The following GLRA2 variants were observed in gnomAD, a reference collection of about 807,000 sequenced individuals.
GLRA2 encodes the protein glycine receptor alpha 2.
GLRA2 carries 11 observed loss-of-function variants against 31.6 expected under a neutral mutation model. That is an observed-to-expected ratio of 0.35 (90% confidence interval 0.22 to 0.58). GLRA2 has a LOEUF of 0.58. Ranked by LOEUF, GLRA2 falls within the 20% of genes least tolerant of loss-of-function variation. GLRA2 has a pLI of 0.84. For missense variants in GLRA2, 212 were observed against 351.8 expected, an observed-to-expected ratio of 0.60 and a Z score of 3.18; for synonymous variants, 132 against 134.0, an observed-to-expected ratio of 0.99 and a Z score of 0.10.
chrX:14,568,147 T>C (rs2089830899), intron 2 of GLRA2, among the ~76,000 whole-genome samples: 1 of 111,801 alleles, frequency 8.9e-6, no homozygotes, highest in African/African-American at 3.3e-5. Context: ...CATATTAAAT[T>C]GCAAGGGGCC....
chrX:14,617,263 A>T (rs1254542238), intron 7 of GLRA2, among the ~76,000 whole-genome samples: 1 of 111,795 alleles, frequency 8.9e-6, no homozygotes, highest in Non-Finnish European at 1.9e-5. Flanking sequence ...CAGTGAGGAA[A>T]AAAATGAACT....
chrX:14,597,625 T>A (rs1040814557), intron 4 of GLRA2, among the ~76,000 whole-genome samples: 7 of 111,304 alleles, frequency 6.3e-5, no homozygotes, highest in African/African-American at 2.0e-4. Context: ...GAAAGGGGTA[T>A]CCCTGAGCAG....
At chrX:14,707,606 GAA>G (rs2091644082) in intron 8 of GLRA2, among the ~76,000 whole-genome samples, 4 of 91,635 alleles carry the variant, frequency 4.4e-5, no homozygotes, top group Non-Finnish European at 6.2e-5. Flanking sequence ...CAACAACAAA[GAA>G]AATATCATGG....
intron 7 of GLRA2, among the ~76,000 whole-genome samples, chrX:14,622,760 T>C (rs2090536801): frequency 8.9e-6 from 1 of 111,975 alleles, no homozygotes; most frequent in Non-Finnish European, 1.9e-5. Flanking sequence ...ACTGTAGCCT[T>C]GTAGTATAGT....
intron 7 of GLRA2, among the ~76,000 whole-genome samples, chrX:14,644,485 C>A (rs756659817): frequency 3.6e-5 from 4 of 111,501 alleles, no homozygotes; most frequent in African/African-American, 1.3e-4. Context: ...TAGATATATT[C>A]TTTACAGAAA....
At chrX:14,529,066 C>A (rs1483155387), upstream of GLRA2, among the ~76,000 whole-genome samples, 2 of 111,389 alleles carry the variant, frequency 1.8e-5, no homozygotes, top group Admixed American at 9.5e-5. Flanking sequence ...CTTCTCTGTG[C>A]CAAGGAAATG....
chrX:14,579,282 A>C (rs186084726), intron 3 of GLRA2, among the ~76,000 whole-genome samples: 24 of 110,483 alleles, frequency 2.2e-4, no homozygotes, highest in Non-Finnish European at 3.6e-4. Flanking sequence ...AGGTAGCTAC[A>C]TTTCTTATTT....
At chrX:14,676,155 T>C (rs755906340) in intron 7 of GLRA2, among the ~76,000 whole-genome samples, 1 of 112,592 alleles carries the variant, frequency 8.9e-6, no homozygotes, top group African/African-American at 3.2e-5. Flanking sequence ...TAAAATGAAA[T>C]TGTACTGTAC....
chrX:14,495,345 G>A, the GLRA2 span, among the ~76,000 whole-genome samples: 644 of 110,625 alleles, frequency 5.8e-3, 7 homozygotes, highest in African/African-American at 0.02. Flanking sequence ...TAATGCAGGC[G>A]AATGGACATT....
At chrX:14,696,234 G>A (rs1319853089) in intron 8 of GLRA2, among the ~76,000 whole-genome samples, 1 of 102,511 alleles carries the variant, frequency 9.8e-6, no homozygotes, top group Non-Finnish European at 2.0e-5. Flanking sequence ...GAGGGAGGGA[G>A]GGAGGGACGG....
At chrX:14,455,808 A>G in the GLRA2 span, among the ~76,000 whole-genome samples, 2 of 111,861 alleles carry the variant, frequency 1.8e-5, no homozygotes, top group Non-Finnish European at 3.8e-5. Flanking sequence ...AATTATGTAA[A>G]TTGTTTTTTG....
At chrX:14,468,105 G>C in the GLRA2 span, among the ~76,000 whole-genome samples, 32 of 111,731 alleles carry the variant, frequency 2.9e-4, no homozygotes, top group African/African-American at 9.4e-4. Context: ...AAGGACTACT[G>C]GATGAATGTA....
chrX:14,458,879 C>T, the GLRA2 span, among the ~76,000 whole-genome samples: 4 of 111,370 alleles, frequency 3.6e-5, no homozygotes, highest in African/African-American at 9.8e-5. Context: ...TAGTTTAATT[C>T]GATCCCATTT....
chrX:14,712,748 A>T (rs2091730754), intron 8 of GLRA2, among the ~76,000 whole-genome samples: 1 of 111,161 alleles, frequency 9.0e-6, no homozygotes, highest in African/African-American at 3.3e-5. Context: ...TCTGAGTAGA[A>T]AACCAAGTGT....
chrX:14,702,397 C>T (rs911883915), intron 8 of GLRA2, among the ~76,000 whole-genome samples: 13 of 111,996 alleles, frequency 1.2e-4, no homozygotes, highest in Non-Finnish European at 2.3e-4. Context: ...TATAAGTAGT[C>T]TACACTTCCC....
intron 7 of GLRA2, among the ~76,000 whole-genome samples, chrX:14,632,222 T>C (rs1241981446): frequency 9.1e-6 from 1 of 110,211 alleles, no homozygotes; most frequent in African/African-American, 3.3e-5. Flanking sequence ...TTTCCAAATA[T>C]ATTTTAACCA....
chrX:14,627,769 A>T (rs1300496913), intron 7 of GLRA2, among the ~76,000 whole-genome samples: 1 of 111,868 alleles, frequency 8.9e-6, no homozygotes, highest in Non-Finnish European at 1.9e-5. Flanking sequence ...ACAAGATATT[A>T]AACAGAAATT....
At chrX:14,561,035 G>A (rs112398382) in intron 2 of GLRA2, among the ~76,000 whole-genome samples, 8 of 111,167 alleles carry the variant, frequency 7.2e-5, no homozygotes, top group Admixed American at 1.9e-4. Context: ...TAACTGAGTC[G>A]TATATATTAA....
chrX:14,612,504 A>G (rs1297495112), intron 7 of GLRA2, among the ~76,000 whole-genome samples: 1 of 111,519 alleles, frequency 9.0e-6, no homozygotes, highest in Non-Finnish European at 1.9e-5. Flanking sequence ...AAATCATTCT[A>G]TGATAAAGAC....
Sources: gnomAD v4.1 joint callset for allele counts (sites outside exome capture counted in the v4.1 genomes callset) on GRCh38, gnomAD v4.1.1 for gene constraint, MANE v1.5 for transcripts, NCBI Gene and HGNC (gene_info 2026-07-23, HGNC 2026-07-21) for gene names.